Variants in CADM2 observed in about 807,000 individuals in gnomAD.
The protein encoded by CADM2 is immunoglobulin superfamily member 4D.
Under a neutral mutation model 49.8 loss-of-function variants are expected in CADM2, and 12 were observed. That is an observed-to-expected ratio of 0.24 (90% CI 0.15 to 0.39). CADM2 has a LOEUF of 0.39. Ranked by LOEUF, CADM2 falls within the 10% of genes least tolerant of loss-of-function variation. The probability of loss-of-function intolerance (pLI) is 1.00; values close to 1 mark genes in which losing one functional copy is unlikely to be tolerated. For synonymous variants in CADM2, 214 were observed against 175.4 expected (o/e 1.22, Z -1.74); for missense variants, 378 against 492.3 (o/e 0.77, Z 2.20).
At chr3:85,019,364 T>A (rs2034397862) in intron 1 of CADM2, among the ~76,000 whole-genome samples, 1 of 152,112 alleles carries the variant, frequency 6.6e-6, no homozygotes, top group South Asian at 2.1e-4. Flanking sequence ...ATGCCTGTTG[T>A]CCCAGCAACT....
At chr3:85,105,947 G>A (rs1273499537) in intron 1 of CADM2, among the ~76,000 whole-genome samples, 1 of 151,912 alleles carries the variant, frequency 6.6e-6, no homozygotes, top group Non-Finnish European at 1.5e-5. Flanking sequence ...ACTGTGGTGG[G>A]GTGGGGGGAC....
chr3:85,277,584 T>C lies in CADM2; in HGVS notation c.61+317916T>C, dbSNP rs963698220. On this transcript the variant is annotated intron_variant, in intron 1 of 9. Transcript: ENST00000383699. ...TTAAGTAAAAATTCTCTCACGAACA[T>C]TGTTATGCTATGTTCTATCTGATGA... is the stretch of plus-strand genomic sequence containing the variant. Among the ~76,000 whole-genome samples, 3 of 151,474 alleles carry C rather than the reference T, an allele frequency of 2.0e-5. No homozygotes were observed. In the South Asian group the frequency reaches 6.2e-4, roughly 31 times the overall value.
chr3:85,742,544 A>G (rs2068438848), intron 2 of CADM2, among the ~76,000 whole-genome samples: 2 of 152,174 alleles, frequency 1.3e-5, no homozygotes, highest in Admixed American at 1.3e-4. Flanking sequence ...ATGAGGTATA[A>G]ATTGCTGTTT....
At chr3:85,107,859 C>T (rs1342911021) in intron 1 of CADM2, among the ~76,000 whole-genome samples, 3 of 151,644 alleles carry the variant, frequency 2.0e-5, no homozygotes, top group Non-Finnish European at 4.4e-5. Context: ...ACCATCACAC[C>T]CAGCTAATTT....
At chr3:85,383,806 T>C (rs1559812134) in intron 1 of CADM2, among the ~76,000 whole-genome samples, 3 of 151,904 alleles carry the variant, frequency 2.0e-5, no homozygotes, top group African/African-American at 7.2e-5. Context: ...TATTTTGTTT[T>C]CAAAAAAGTT....
chr3:84,986,559 C>T lies in CADM2; in HGVS notation c.61+26891C>T, dbSNP rs182610345. Among the ~76,000 whole-genome samples the T allele has an allele frequency of 4.3e-3, 654 of 151,748 alleles. 1 individual carries two copies. Among genetic ancestry groups the T allele is most frequent in the Middle Eastern group, 0.014 (4 of 292 alleles). On this transcript the variant is annotated intron_variant, in intron 1 of 9. Coordinates refer to ENST00000383699, the MANE Select transcript of CADM2 (RefSeq NM_001167675.2). Reference sequence around the variant, plus strand: ...AGGATAAAAAACTTCCTACCCAGAACACATGGACACAGGAAGGGGAACATC... The same window carrying T: ...AGGATAAAAAACTTCCTACCCAGAATACATGGACACAGGAAGGGGAACATC...
At chr3:85,171,501 C>T (rs1408072028) in intron 1 of CADM2, among the ~76,000 whole-genome samples, 2 of 152,114 alleles carry the variant, frequency 1.3e-5, no homozygotes, top group Admixed American at 1.3e-4. Flanking sequence ...TGTATATACA[C>T]TAATTACTCC....
intron 1 of CADM2, among the ~76,000 whole-genome samples, chr3:85,535,375 G>T (rs1002872798): frequency 6.6e-6 from 1 of 152,054 alleles, no homozygotes; most frequent in Non-Finnish European, 1.5e-5. Context: ...GCCTCCATGG[G>T]CCCTAAGTAA....
At chr3:85,709,049 A>AACCT (rs2067035763) in intron 1 of CADM2, among the ~76,000 whole-genome samples, 1 of 152,070 alleles carries the variant, frequency 6.6e-6, no homozygotes, top group South Asian at 2.1e-4. Context: ...AGTCAGTGAG[A>AACCT]ACTAGGAAAT....
chr3:85,568,208 C>T (rs2062326027), intron 1 of CADM2, among the ~76,000 whole-genome samples: 1 of 152,178 alleles, frequency 6.6e-6, no homozygotes, highest in Non-Finnish European at 1.5e-5. Context: ...TTAGAGTTCA[C>T]TACTACTGAG....
At chr3:85,767,001 G>A (rs776925077) in intron 2 of CADM2, among the ~76,000 whole-genome samples, 8 of 152,024 alleles carry the variant, frequency 5.3e-5, no homozygotes, top group Admixed American at 1.3e-4. Context: ...ACAACAAATT[G>A]ACTCAATAAA....
intron 1 of CADM2, among the ~76,000 whole-genome samples, chr3:85,097,294 C>T (rs2037836060): frequency 6.6e-6 from 1 of 152,098 alleles, no homozygotes; most frequent in South Asian, 2.1e-4. Context: ...ATGATGGTTT[C>T]CAGTTTCATC....
chr3:85,224,627 T>C (rs2042113747), intron 1 of CADM2, among the ~76,000 whole-genome samples: 1 of 152,228 alleles, frequency 6.6e-6, no homozygotes, highest in South Asian at 2.1e-4. Context: ...TTGTCAATTT[T>C]GGCTTTTGTT....
intron 1 of CADM2, among the ~76,000 whole-genome samples, chr3:85,007,969 T>A (rs2033818565): frequency 6.6e-6 from 1 of 152,148 alleles, no homozygotes; most frequent in African/African-American, 2.4e-5. Context: ...TCTAGGAATT[T>A]GAGAGTAGAA....
intron 8 of CADM2, among the ~76,000 whole-genome samples, chr3:86,000,505 T>C (rs1410170445): frequency 6.6e-6 from 1 of 152,128 alleles, no homozygotes; most frequent in Non-Finnish European, 1.5e-5. Context: ...TTAAAATATA[T>C]AGAGTTCTCT....
chr3:85,605,979 A>C (rs943535807), intron 1 of CADM2, among the ~76,000 whole-genome samples: 1 of 152,122 alleles, frequency 6.6e-6, no homozygotes, highest in Non-Finnish European at 1.5e-5. Flanking sequence ...TTCATGAAGC[A>C]GATTTGCCTT....
intron 8 of CADM2, among the ~76,000 whole-genome samples, chr3:86,039,256 A>T (rs1359664511): frequency 6.6e-6 from 1 of 151,848 alleles, no homozygotes; most frequent in Non-Finnish European, 1.5e-5. Flanking sequence ...GCATGAGCCA[A>T]AGCAGGGTGA....
chr3:85,218,028 A>T (rs1334083047), intron 1 of CADM2, among the ~76,000 whole-genome samples: 1 of 152,128 alleles, frequency 6.6e-6, no homozygotes, highest in Admixed American at 6.5e-5. Context: ...ATTAAAACAA[A>T]ATGCTTTTTG....
chr3:85,140,485 T>A (rs2039544835), intron 1 of CADM2, among the ~76,000 whole-genome samples: 1 of 152,158 alleles, frequency 6.6e-6, no homozygotes, highest in South Asian at 2.1e-4. Flanking sequence ...GAATAAATAT[T>A]TAAAACACAG....
Sources: allele counts gnomAD v4.1 joint callset (sites outside exome capture counted in the v4.1 genomes callset), GRCh38; gene constraint gnomAD v4.1.1; transcripts MANE v1.5; gene names NCBI Gene and HGNC (gene_info 2026-07-23, HGNC 2026-07-21).